SUMF2: variants seen among roughly 807,000 people sequenced by gnomAD.
SUMF2 encodes the protein sulfatase modifying factor 2.
A neutral mutation model predicts 44.8 loss-of-function variants in SUMF2; 45 were observed. The observed-to-expected ratio is 1.00, with a 90% confidence interval of 0.79 to 1.29. The LOEUF (loss-of-function observed/expected upper bound fraction) is 1.29, where lower values mean the gene tolerates loss of function less well. Among genes scored for constraint, SUMF2 ranks in the 50% most tolerant of loss-of-function variants. The probability of loss-of-function intolerance (pLI) is 0.00; values close to 1 mark genes in which losing one functional copy is unlikely to be tolerated. For synonymous variants in SUMF2, 148 were observed against 150.4 expected (o/e 0.98, Z 0.12); for missense variants, 418 against 389.9 (o/e 1.07, Z -0.61).
chr7:56,078,230 G>T, intron 7 of SUMF2, 44 bp downstream of exon 7: 2 of 1,586,104 alleles, frequency 1.3e-6, no homozygotes, highest in Non-Finnish European at 1.7e-6. Context: ...TGAACTGGCT[G>T]TTGGGACCAT....
At chr7:56,087,448 CCTT>C in the SUMF2 span, 1 of 704,302 alleles carries the variant, frequency 1.4e-6, no homozygotes. Context: ...GCCTGGGACC[CCTT>C]CTATCAGAGC....
At chr7:56,068,442 A>G in intron 1 of SUMF2, 40 bp from the exon 2 acceptor site, 5 of 1,548,818 alleles carry the variant, frequency 3.2e-6, no homozygotes, top group Non-Finnish European at 4.4e-6. Context: ...TGTTTTATAT[A>G]TATGCATGTA....
downstream of SUMF2, among the ~76,000 whole-genome samples, chr7:56,084,430 A>G (rs946866941): frequency 5.4e-5 from 8 of 147,812 alleles, no homozygotes; most frequent in East Asian, 1.2e-3. Context: ...CTGGAGTGCA[A>G]TGATGCAATC....
At chr7:56,068,756 T>G in intron 2 of SUMF2, 118 bp downstream of exon 2, 1 of 1,245,112 alleles carries the variant, frequency 8.0e-7, no homozygotes, top group South Asian at 1.4e-5. Context: ...GGTGCTGGAG[T>G]GCAGTGGCGC....
chr7:56,065,212 A>T (rs891878518), intron 1 of SUMF2, among the ~76,000 whole-genome samples: 3 of 146,656 alleles, frequency 2.0e-5, no homozygotes, highest in East Asian at 2.0e-4. Flanking sequence ...AAAAAAAAAA[A>T]GGAAAAAGGA....
At chr7:56,064,882 CAAAAAAA>C (rs71015175) in intron 1 of SUMF2, among the ~76,000 whole-genome samples, 5 of 14,310 alleles carry the variant, frequency 3.5e-4, no homozygotes, top group Admixed American at 1.2e-3. Context: ...TACTTTATCT[CAAAAAAA>C]AAAAAAAAAA....
chr7:56,065,958 G>T (rs1238985288), intron 1 of SUMF2, among the ~76,000 whole-genome samples: 1 of 151,660 alleles, frequency 6.6e-6, no homozygotes, highest in African/African-American at 2.4e-5. Flanking sequence ...GCGGGCGCCT[G>T]TAGTCCCAGC....
intron 5 of SUMF2, 53 bp from the exon 6 acceptor site, chr7:56,076,781 T>A: frequency 6.7e-7 from 1 of 1,502,240 alleles, no homozygotes; most frequent in Non-Finnish European, 9.1e-7. Context: ...TCTTTTTTCC[T>A]TCCCTAATTC....
At chr7:56,067,915 A>G (rs1303184479) in intron 1 of SUMF2, among the ~76,000 whole-genome samples, 1 of 151,406 alleles carries the variant, frequency 6.6e-6, no homozygotes, top group African/African-American at 2.4e-5. Flanking sequence ...AAAAAAAGAC[A>G]AGAAATTGAA....
chr7:56,065,949 C>T (rs1356222832), intron 1 of SUMF2, among the ~76,000 whole-genome samples: 25 of 151,684 alleles, frequency 1.6e-4, no homozygotes, highest in African/African-American at 6.1e-4. Context: ...GGCGTGGTGG[C>T]GGGCGCCTGT....
chr7:56,071,728 T>C (rs1294661269), intron 2 of SUMF2, among the ~76,000 whole-genome samples: 1 of 151,466 alleles, frequency 6.6e-6, no homozygotes, highest in Non-Finnish European at 1.5e-5. Flanking sequence ...GAGGTTGCAG[T>C]GAGCTGAGTT....
At chr7:56,076,609 C>T (rs762243854) in intron 5 of SUMF2, 29 of 425,602 alleles carry the variant, frequency 6.8e-5, no homozygotes, top group Non-Finnish European at 1.1e-4. Context: ...GGTCCCAGAA[C>T]CATGCTTAGG....
At chr7:56,073,173 G>A in intron 3 of SUMF2, 62 bp downstream of exon 3, 2 of 1,306,844 alleles carry the variant, frequency 1.5e-6, no homozygotes, top group Non-Finnish European at 2.2e-6. Context: ...GGAATCCTGT[G>A]GGACATGGGT....
downstream of SUMF2, among the ~76,000 whole-genome samples, chr7:56,082,738 T>G (rs767252685): frequency 9.7e-4 from 147 of 152,182 alleles, 2 homozygotes; most frequent in Non-Finnish European, 1.1e-3. Context: ...CATGGCCCAT[T>G]GCTTCCCTGG....
At chr7:56,065,651 C>T (rs566714081) in intron 1 of SUMF2, among the ~76,000 whole-genome samples, 7 of 152,164 alleles carry the variant, frequency 4.6e-5, no homozygotes, top group African/African-American at 1.7e-4. Context: ...GTTGCCCAGG[C>T]TGGAGTGAAT....
chr7:56,075,467 T>G (rs1795472507), intron 5 of SUMF2, among the ~76,000 whole-genome samples: 1 of 151,704 alleles, frequency 6.6e-6, no homozygotes, highest in Admixed American at 6.6e-5. Flanking sequence ...GAGGCCGAGG[T>G]GGGTGGATCA....
chr7:56,069,054 C>T (rs552150703), intron 2 of SUMF2, among the ~76,000 whole-genome samples: 2 of 152,162 alleles, frequency 1.3e-5, no homozygotes, highest in Non-Finnish European at 2.9e-5. Context: ...TTCACTGTCA[C>T]GTGTCATCTT....
intron 3 of SUMF2, chr7:56,073,648 G>GAAA (rs922599820): frequency 2.7e-5 from 4 of 150,286 alleles, no homozygotes. Flanking sequence ...TGTCTCAAAA[G>GAAA]AAAAAAAAAA....
chr7:56,075,383 TAC>T (rs371110293), intron 5 of SUMF2, among the ~76,000 whole-genome samples: 150 of 152,032 alleles, frequency 9.9e-4, no homozygotes, highest in African/African-American at 3.5e-3. Flanking sequence ...GCCTCTGGGG[TAC>T]AGAGATTAAT....
Sources: allele counts gnomAD v4.1 joint callset (sites outside exome capture counted in the v4.1 genomes callset), GRCh38; gene constraint gnomAD v4.1.1; transcripts MANE v1.5; gene names NCBI Gene and HGNC (gene_info 2026-07-23, HGNC 2026-07-21).